The following RBFOX1 variants were observed in gnomAD, a reference collection of about 807,000 sequenced individuals.
RBFOX1 encodes the protein RNA binding protein fox-1 homolog 1.
RBFOX1 carries 8 observed loss-of-function variants against 57.7 expected under a neutral mutation model. The observed-to-expected ratio is 0.14, with a 90% confidence interval of 0.08 to 0.25. RBFOX1 has a LOEUF of 0.25. Ranked by LOEUF, RBFOX1 falls within the 10% of genes least tolerant of loss-of-function variation. The pLI is 1.00. For synonymous variants in RBFOX1, 326 were observed against 222.4 expected (o/e 1.47, Z -4.15); for missense variants, 611 against 548.5 (o/e 1.11, Z -1.14).
chr16:5,602,053 C>T (rs2047383114), downstream of RBFOX1, among the ~76,000 whole-genome samples: 1 of 152,218 alleles, frequency 6.6e-6, no homozygotes, highest in Non-Finnish European at 1.5e-5. Context: ...GTTGCCTTAA[C>T]CTGCTCCTCC....
chr16:5,388,725 C>G (rs1323789629), intron 1 of RBFOX1, among the ~76,000 whole-genome samples: 1 of 151,810 alleles, frequency 6.6e-6, no homozygotes, highest in Non-Finnish European at 1.5e-5. Context: ...CAGGTGCATG[C>G]CACCATGCCC....
intron 4 of RBFOX1, among the ~76,000 whole-genome samples, chr16:7,086,908 G>C (rs974436494): frequency 4.6e-5 from 7 of 152,196 alleles, no homozygotes; most frequent in Non-Finnish European, 5.9e-5. Context: ...ACAGGCTTCT[G>C]ACGGCCCATC....
intron 3 of RBFOX1, among the ~76,000 whole-genome samples, chr16:6,767,947 T>TAATAATAATAATAAGAAG (rs1410744665): frequency 2.2e-4 from 22 of 101,040 alleles, no homozygotes; most frequent in African/African-American, 6.8e-4. Context: ...ATAATAATAA[T>TAATAATAATAATAAGAAG]AAGAAGAAGA....
rs144257809 is a variant in RBFOX1 at position 5,658,712 on chromosome 16, T to G, written c.318+59751T>G. Among the ~76,000 whole-genome samples, 620 of 148,862 alleles carry G rather than the reference T, an allele frequency of 4.2e-3. 4 individuals carry two copies. The highest frequency in any genetic ancestry group is 0.015 in the African/African-American group (584 of 39,802). ...ATGCCTTTTCATGGCTGAGTAGTATTCCATCATACATACATACATATATAT... is the reference window on the plus strand; with the variant it reads ...ATGCCTTTTCATGGCTGAGTAGTATGCCATCATACATACATACATATATAT... On this transcript the variant is annotated intron_variant, in intron 3 of 19. Transcript: ENST00000641259.
chr16:6,111,004 T>C (rs1424421647), intron 1 of RBFOX1, among the ~76,000 whole-genome samples: 1 of 152,122 alleles, frequency 6.6e-6, no homozygotes, highest in Non-Finnish European at 1.5e-5. Context: ...AGCATATTTA[T>C]GAGGGTTCAG....
At chr16:5,651,038 T>G (rs1234375851) in intron 3 of RBFOX1, among the ~76,000 whole-genome samples, 3 of 116,400 alleles carry the variant, frequency 2.6e-5, no homozygotes, top group Non-Finnish European at 3.5e-5. Context: ...CACTACCTCC[T>G]TCTTTTTTTT....
rs180859532 is a variant in RBFOX1 at position 5,287,110 on chromosome 16, A to G, written c.219+47005A>G. 1.8e-3 allele frequency among the ~76,000 whole-genome samples: 277 copies of G among 152,314 alleles called. 5 individuals are homozygous for G. The South Asian group carries it at 0.026, about 14-fold the overall frequency. ...GCTTGAGGCCAGGAGTTTGAAACTA[A>G]CTTGGGCAATATAGTGAGACCCTGT... On this transcript the variant is annotated intron_variant, in intron 1 of 2. Transcript: ENST00000585867.
chr16:6,531,131 G>C (rs1233165949), intron 2 of RBFOX1, among the ~76,000 whole-genome samples: 1 of 152,170 alleles, frequency 6.6e-6, no homozygotes, highest in East Asian at 1.9e-4. Context: ...ACCATGCCCA[G>C]TAGTAGGATC....
intron 2 of RBFOX1, among the ~76,000 whole-genome samples, chr16:5,505,538 C>T (rs1597336224): frequency 6.6e-6 from 1 of 152,292 alleles, no homozygotes; most frequent in East Asian, 1.9e-4. Context: ...CTGTCTCCTG[C>T]AGCCCCTCTT....
At chr16:5,597,297 C>T (rs1291226304) in intron 2 of RBFOX1, among the ~76,000 whole-genome samples, 5 of 148,504 alleles carry the variant, frequency 3.4e-5, no homozygotes, top group African/African-American at 7.5e-5. Flanking sequence ...GTTGCTCTCC[C>T]GCCCTCTCTC....
At chr16:7,659,526 T>C (rs2067166022) in intron 12 of RBFOX1, among the ~76,000 whole-genome samples, 2 of 152,172 alleles carry the variant, frequency 1.3e-5, no homozygotes, top group Admixed American at 1.3e-4. Context: ...TGGGACACAC[T>C]GAAAGAATTG....
intron 4 of RBFOX1, among the ~76,000 whole-genome samples, chr16:7,294,860 G>C (rs2095860283): frequency 6.6e-6 from 1 of 152,090 alleles, no homozygotes; most frequent in African/African-American, 2.4e-5. Flanking sequence ...GGTTAAAAAG[G>C]ATACTTTCTC....
intron 1 of RBFOX1, among the ~76,000 whole-genome samples, chr16:5,404,195 A>G (rs565416230): frequency 2.9e-4 from 44 of 152,224 alleles, no homozygotes; most frequent in African/African-American, 1.0e-3. Context: ...AATTCATACA[A>G]TGTACCTTAT....
chr16:6,302,465 G>A (rs2078927360), intron 1 of RBFOX1, among the ~76,000 whole-genome samples: 1 of 152,166 alleles, frequency 6.6e-6, no homozygotes, highest in Admixed American at 6.6e-5. Flanking sequence ...TAAAAAGTCA[G>A]ATATCCCCTT....
intron 3 of RBFOX1, among the ~76,000 whole-genome samples, chr16:6,954,223 C>T (rs975350588): frequency 5.9e-5 from 9 of 151,326 alleles, no homozygotes; most frequent in South Asian, 2.1e-4. Context: ...GGCAAATCAA[C>T]GGGGTGTTGA....
intron 3 of RBFOX1, among the ~76,000 whole-genome samples, chr16:5,736,521 C>A (rs1304239199): frequency 6.6e-6 from 1 of 152,172 alleles, no homozygotes; most frequent in African/African-American, 2.4e-5. Context: ...GGGCTCGCCA[C>A]CCTGTTTCCT....
chr16:6,113,658 A>G (rs1388579299), intron 1 of RBFOX1, among the ~76,000 whole-genome samples: 4 of 152,340 alleles, frequency 2.6e-5, no homozygotes, highest in South Asian at 2.1e-4. Context: ...TAAGGACACC[A>G]GAGGGGTATG....
intron 4 of RBFOX1, among the ~76,000 whole-genome samples, chr16:5,894,314 G>T (rs2058109555): frequency 6.6e-6 from 1 of 152,130 alleles, no homozygotes; most frequent in African/African-American, 2.4e-5. Context: ...ATGGAGTGTT[G>T]CTGTGTTGCC....
chr16:5,271,194 G>GA (rs917835783), intron 1 of RBFOX1, among the ~76,000 whole-genome samples: 4 of 148,024 alleles, frequency 2.7e-5, no homozygotes, highest in Admixed American at 6.7e-5. Flanking sequence ...AAAGAAAAAA[G>GA]AAAAAAAAAA....
Sources: allele counts gnomAD v4.1 joint callset (sites outside exome capture counted in the v4.1 genomes callset), GRCh38; gene constraint gnomAD v4.1.1; transcripts MANE v1.5; gene names NCBI Gene and HGNC (gene_info 2026-07-23, HGNC 2026-07-21).